NFIB: variants seen among roughly 807,000 people sequenced by gnomAD.
NFIB encodes the protein nuclear factor I B, also known as nuclear factor 1 B-type.
NFIB carries 11 observed loss-of-function variants against 61.5 expected under a neutral mutation model. The observed-to-expected ratio is 0.18, with a 90% CI of 0.11 to 0.30. The LOEUF (loss-of-function observed/expected upper bound fraction) is 0.30. NFIB is among the 10% of genes least tolerant of loss of function. NFIB has a pLI of 1.00. For missense variants in NFIB, 471 were observed against 608.9 expected, an observed-to-expected ratio of 0.77 and a Z score of 2.38; for synonymous variants, 260 against 216.5, an observed-to-expected ratio of 1.20 and a Z score of -1.76.
chr9:14,189,581 T>C (rs948273524), intron 2 of NFIB, among the ~76,000 whole-genome samples: 13 of 140,034 alleles, frequency 9.3e-5, no homozygotes, highest in African/African-American at 3.2e-4. Flanking sequence ...GTTTAATTAG[T>C]ACTCCTCCTC....
At chr9:14,285,926 G>A (rs1183943830) in intron 2 of NFIB, among the ~76,000 whole-genome samples, 1 of 150,896 alleles carries the variant, frequency 6.6e-6, no homozygotes, top group East Asian at 1.9e-4. Context: ...CAAAACACTT[G>A]CTGAAAGTTA....
rs2032805322 is a variant in NFIB, at chr9:14,085,947, C to T, written c.*2362G>A. On this transcript the variant is annotated 3_prime_UTR_variant, in exon 11 of 11. Transcript: ENST00000380953. ...ATTTTTGCCAAATATGAGACAGGCT[C>T]ACTCTCCACTGTGGATCTGGAACTT... 4.4e-6 allele frequency: 1 copy of T among 228,964 alleles called. No homozygotes were observed. Among genetic ancestry groups the T allele is most frequent in the African/African-American group, 2.2e-5 (1 of 45,132 alleles). 14.2% of individuals were successfully genotyped at this position (228,964 alleles called of 1,614,324 possible). A position where few individuals can be genotyped will look rare whatever the true frequency, so the allele number is the denominator to read the frequency against.
the NFIB span, among the ~76,000 whole-genome samples, chr9:14,515,734 G>A: frequency 2.0e-5 from 3 of 152,324 alleles, no homozygotes; most frequent in East Asian, 1.9e-4. Context: ...ATGCGAAAAT[G>A]CAGAGGCTGA....
the NFIB span, among the ~76,000 whole-genome samples, chr9:14,453,943 C>G: frequency 6.6e-6 from 1 of 151,914 alleles, no homozygotes; most frequent in South Asian, 2.1e-4. Context: ...TAGCTGGGCA[C>G]GGTGGGCACC....
At chr9:14,530,047 G>GT in the NFIB span, among the ~76,000 whole-genome samples, 1 of 152,088 alleles carries the variant, frequency 6.6e-6, no homozygotes, top group African/African-American at 2.4e-5. Flanking sequence ...CTTAATCCCA[G>GT]TTTTTCAGTA....
chr9:14,217,885 G>T (rs2051135757), intron 2 of NFIB, among the ~76,000 whole-genome samples: 1 of 152,100 alleles, frequency 6.6e-6, no homozygotes, highest in Non-Finnish European at 1.5e-5. Context: ...AGATAAAATA[G>T]ATAGGTAAGT....
At chr9:14,105,366 G>A (rs1232284493) in intron 10 of NFIB, among the ~76,000 whole-genome samples, 1 of 152,064 alleles carries the variant, frequency 6.6e-6, no homozygotes, top group African/African-American at 2.4e-5. Flanking sequence ...ATATTAATTA[G>A]CATTGAATTT....
chr9:14,406,996 A>G, the NFIB span, among the ~76,000 whole-genome samples: 1 of 152,212 alleles, frequency 6.6e-6, no homozygotes, highest in African/African-American at 2.4e-5. Context: ...CAGTATTAAA[A>G]TTAATAGTAG....
chr9:14,114,628 T>A (rs2037857555), intron 9 of NFIB, among the ~76,000 whole-genome samples: 1 of 152,192 alleles, frequency 6.6e-6, no homozygotes, highest in Admixed American at 6.5e-5. Context: ...TCAAATCAGA[T>A]CCCTTTTTGA....
chr9:14,418,144 C>T, the NFIB span, among the ~76,000 whole-genome samples: 9 of 152,250 alleles, frequency 5.9e-5, no homozygotes, highest in Non-Finnish European at 8.8e-5. Flanking sequence ...GTCTGAGGAC[C>T]ACTGTAAATG....
At chr9:14,194,865 A>T (rs1341887677) in intron 2 of NFIB, among the ~76,000 whole-genome samples, 1 of 152,136 alleles carries the variant, frequency 6.6e-6, no homozygotes, top group Non-Finnish European at 1.5e-5. Flanking sequence ...ATTTCACAGA[A>T]GATAGAACAA....
At chr9:14,383,901 C>T (rs1198831126) in intron 1 of NFIB, among the ~76,000 whole-genome samples, 5 of 152,198 alleles carry the variant, frequency 3.3e-5, no homozygotes, top group East Asian at 1.9e-4. Context: ...ACTGCAAGAG[C>T]GCCATGGAAG....
chr9:14,356,407 C>T (rs558802941), intron 1 of NFIB, among the ~76,000 whole-genome samples: 10 of 152,130 alleles, frequency 6.6e-5, no homozygotes, highest in Admixed American at 3.3e-4. Context: ...AGGCCCCACA[C>T]GAGGAACTAG....
chr9:14,458,004 C>T, the NFIB span, among the ~76,000 whole-genome samples: 3,893 of 152,278 alleles, frequency 0.026, 171 homozygotes, highest in African/African-American at 0.089. Flanking sequence ...GGAATCCTCC[C>T]TAATTCACTT....
chr9:14,165,272 A>G (rs2044654231), intron 3 of NFIB, among the ~76,000 whole-genome samples: 1 of 152,222 alleles, frequency 6.6e-6, no homozygotes, highest in South Asian at 2.1e-4. Context: ...ACACTTTCTT[A>G]TAAGCCTCTA....
chr9:14,461,723 T>C, the NFIB span, among the ~76,000 whole-genome samples: 1 of 152,222 alleles, frequency 6.6e-6, no homozygotes, highest in Non-Finnish European at 1.5e-5. Context: ...TTCAGCTTAT[T>C]TTCCAGGTAA....
chr9:14,106,755 T>TG (rs1232834198), intron 10 of NFIB, among the ~76,000 whole-genome samples: 1 of 152,058 alleles, frequency 6.6e-6, no homozygotes, highest in South Asian at 2.1e-4. Flanking sequence ...TTTATTCAAA[T>TG]GGGGGTCCTC....
intron 1 of NFIB, among the ~76,000 whole-genome samples, chr9:14,338,651 A>C (rs1016273838): frequency 6.6e-6 from 1 of 152,228 alleles, no homozygotes; most frequent in African/African-American, 2.4e-5. Context: ...TACCTAGCTC[A>C]TCACCTCAGC....
intron 2 of NFIB, among the ~76,000 whole-genome samples, chr9:14,187,411 A>G (rs542401224): frequency 4.6e-5 from 7 of 152,184 alleles, no homozygotes; most frequent in Non-Finnish European, 8.8e-5. Flanking sequence ...ATGAAGACCT[A>G]TATCTTCAGA....
Sources: gnomAD v4.1 joint callset for allele counts (sites outside exome capture counted in the v4.1 genomes callset) on GRCh38, gnomAD v4.1.1 for gene constraint, MANE v1.5 for transcripts, NCBI Gene and HGNC (gene_info 2026-07-23, HGNC 2026-07-21) for gene names.